INO80E: variants seen among roughly 807,000 people sequenced by gnomAD.
The protein encoded by INO80E is coiled-coil domain containing 95.
A neutral mutation model predicts 27.3 loss-of-function variants in INO80E; 20 were observed. The ratio of observed to expected loss-of-function variants is 0.73; its 90% CI spans 0.51 to 1.06. The LOEUF is 1.06. INO80E is among the 50% of genes least tolerant of loss of function. INO80E has a pLI of 0.00. For synonymous variants in INO80E, 167 were observed against 145.9 expected, an observed-to-expected ratio of 1.14 and a Z score of -1.04; for missense variants, 357 against 322.8, an observed-to-expected ratio of 1.11 and a Z score of -0.81.
At chr16:29,999,874 C>A (rs1288054076) in intron 3 of INO80E, among the ~76,000 whole-genome samples, 1 of 152,106 alleles carries the variant, frequency 6.6e-6, no homozygotes, top group Non-Finnish European at 1.5e-5. Context: ...TGAGGTGAGA[C>A]TGCTTAGCAG....
Position 29,996,301 on chromosome 16 carries a change from C to G in INO80E, c.-10C>G, listed in dbSNP as rs146400698. 1.3e-6 allele frequency: 2 copies of G among 1,585,600 alleles called. No homozygotes were observed. The highest frequency in any genetic ancestry group is 1.3e-5 in the African/African-American group (1 of 74,342). On this transcript the variant is annotated 5_prime_UTR_variant, in exon 1 of 7. Coordinates refer to ENST00000563197, the MANE Select transcript of INO80E (RefSeq NM_173618.3). ...GAGGGCAGACTCTGGGCGCCACTCC[C>G]GGGCCGGTCATGAACGGGCCGGCGG...
Position 30,000,985 on chromosome 16 carries a change from C to T in INO80E, c.341C>T (p.Pro114Leu), listed in dbSNP as rs1269126403. 6.4e-7 allele frequency: 1 copy of T among 1,563,022 alleles called. No homozygotes were observed. ...TCTCCCTCCAGCCTCTCCCTGCCTC[C>T]TTCAACAGGGTTTCCCCTTCAGGCC... ...APSPSSLSLP[P>L]STGFPLQASG... Residue 114 changes from proline to leucine, a missense_variant, in exon 5 of 7, where the codon CCT becomes CTT. Transcript: ENST00000563197.
chr16:30,000,727 C>G, intron 3 of INO80E, 31 bp from the exon 4 acceptor site: 1 of 1,584,788 alleles, frequency 6.3e-7, no homozygotes, highest in Non-Finnish European at 8.7e-7. Context: ...GGGATCCCCC[C>G]ATCCCCACTG....
intron 4 of INO80E, 22 bp downstream of exon 4, chr16:30,000,858 C>T: frequency 6.2e-7 from 1 of 1,613,110 alleles, no homozygotes; most frequent in Non-Finnish European, 8.5e-7. Flanking sequence ...ATGCATTCCT[C>T]TCGCTGGGGA....
chr16:30,005,315 T>A lies in INO80E; in HGVS notation c.608T>A (p.Leu203His). Residue 203 changes from leucine to histidine, a missense_variant, in exon 7 of 7, where the codon CTC (leucine) becomes CAC (histidine). Transcript: ENST00000563197. ...GGGGTCGGGACAACCCTGACCCCCCTCCCACCCCCTAAGATGCCCCCCCCC... is the reference window on the plus strand; with the variant it reads ...GGGGTCGGGACAACCCTGACCCCCCACCCACCCCCTAAGATGCCCCCCCCC... ...GAGVGTTLTP[L>H]PPPKMPPPTI... 7 of 302,342 alleles carry A rather than the reference T, an allele frequency of 2.3e-5. No individual in the cohort carries two copies. The highest frequency in any genetic ancestry group is 1.3e-4 in the South Asian group (2 of 15,406). The allele number at this position is 302,342 out of a possible 1,614,324, so 18.7% of individuals were successfully genotyped here.
At position 29,996,300 on chromosome 16, in the gene INO80E, CCGGGCCGGTCATGAA is replaced by C; in HGVS notation, c.-2_13del. ...GGAGGGCAGACTCTGGGCGCCACTC[CCGGGCCGGTCATGAA>C]CGGGCCGGCGGACGGCGAAGTGGAC... is the stretch of plus-strand genomic sequence containing the variant. On this transcript the variant is annotated start_lost and 5_prime_UTR_variant, in exon 1 of 7. Coordinates refer to ENST00000563197, the MANE Select transcript of INO80E (RefSeq NM_173618.3). The C allele has an allele frequency of 6.3e-7, 1 of 1,584,902 alleles. No individual in the cohort carries two copies. Among genetic ancestry groups the C allele is most frequent in the Non-Finnish European group, 8.6e-7 (1 of 1,165,658 alleles).
chr16:29,996,899 C>A, intron 3 of INO80E, 39 bp downstream of exon 3: 1 of 1,601,028 alleles, frequency 6.2e-7, no homozygotes, highest in South Asian at 1.1e-5. Flanking sequence ...GAGCATGGTT[C>A]CTGGTACTTA....
rs989058110 is a variant in INO80E at position 30,005,165 on chromosome 16, C to A, written c.514-56C>A. 21 of 1,427,132 alleles carry A rather than the reference C, an allele frequency of 1.5e-5. No individual in the cohort carries two copies. The African/African-American group carries it at 3.1e-4, about 21-fold the overall frequency. The allele number at this position is 1,427,132 out of a possible 1,614,324, so 88.4% of individuals were successfully genotyped here. On this transcript the variant is annotated intron_variant, in intron 6 of 6. Coordinates refer to ENST00000563197, the MANE Select transcript of INO80E (RefSeq NM_173618.3). ...GCCCTGGGGGGCAAAGCCTAGTCTC[C>A]TGAGGCCCCAGTGCCTCCCTGACTA...
At position 29,996,811 on chromosome 16, in the gene INO80E, C is replaced by T. The variant is rs1567264865; in HGVS notation, c.156C>T (p.Phe52=). The T allele has an allele frequency of 1.9e-6, 3 of 1,614,160 alleles. No homozygotes were observed. Among genetic ancestry groups the T allele is most frequent in the Non-Finnish European group, 2.5e-6 (3 of 1,179,992 alleles). The change falls in exon 3 of 7, where the codon TTC becomes TTT. Residue 52 remains phenylalanine, a synonymous_variant. Transcript: ENST00000563197. Reference sequence around the variant, plus strand: ...GTGTCTCCTTCCCTCCCCTCAGTTTCCTCCTAGACCGACTTCTGCAGTACG... The same window carrying T: ...GTGTCTCCTTCCCTCCCCTCAGTTTTCTCCTAGACCGACTTCTGCAGTACG... The part of the protein sequence containing the change: ...KLLKVSRDKS[F]LLDRLLQYEN...
chr16:29,996,653 T>A (rs1379774547), intron 2 of INO80E, 36 bp downstream of exon 2: 2 of 1,581,558 alleles, frequency 1.3e-6, no homozygotes, highest in Non-Finnish European at 1.7e-6. Flanking sequence ...GCGATGTGCT[T>A]CCTAGGAAAT....
At position 30,000,810 on chromosome 16, in the gene INO80E, G is replaced by T; in HGVS notation, c.258G>T (p.Lys86Asn). 4 of 1,614,210 alleles carry T rather than the reference G, an allele frequency of 2.5e-6. No homozygotes were observed. The highest frequency in any genetic ancestry group is 3.4e-6 in the Non-Finnish European group (4 of 1,180,024). The change falls in exon 4 of 7, where the codon AAG becomes AAT. Residue 86 changes from lysine to asparagine, a missense_variant. Lys to Asn is a moderately conservative substitution (Grantham distance 94). Transcript: ENST00000563197. ...ACAGCGAGACGGAGGGGACACCCAA[G>T]TTGTCTGACACACCGGCCCCTAAGA... ...SDNSETEGTP[K>N]LSDTPAPKRK...
rs757844980 is a variant in INO80E at position 30,001,396 on chromosome 16, C to G, written c.397-18C>G. 2.5e-6 allele frequency: 4 copies of G among 1,571,314 alleles called. No homozygotes were observed. Among genetic ancestry groups the G allele is most frequent in the Middle Eastern group, 1.7e-4 (1 of 5,996 alleles). The stretch of plus-strand genomic sequence containing the variant: ...GGTCCATTCCGCCTCCCATCTCCAT[C>G]CCCGCTCCCGCCCGCAGCTGGCCTC... On this transcript the variant is annotated intron_variant, in intron 5 of 6. Transcript: ENST00000563197.
Position 30,005,689 on chromosome 16 carries a change from G to A in INO80E, c.*247G>A. ...GAGTGGCCGGGAGCATCTGCCACCT[G>A]CTGGGGAGGCAGAGACCCTGCAATG... On this transcript the variant is annotated 3_prime_UTR_variant, in exon 7 of 7. Transcript: ENST00000563197. The A allele has an allele frequency of 1.8e-6, 1 of 550,900 alleles. No individual in the cohort carries two copies. Among genetic ancestry groups the A allele is most frequent in the Non-Finnish European group, 3.2e-6 (1 of 315,834 alleles). The allele number at this position is 550,900 out of a possible 1,614,324, so 34.1% of individuals were successfully genotyped here. A position where few individuals can be genotyped will look rare whatever the true frequency, so the allele number is the denominator to read the frequency against.
In INO80E at chr16:29,996,801, C is replaced by A; in HGVS notation, c.153-7C>A. 6.2e-7 allele frequency: 1 copy of A among 1,613,950 alleles called. No homozygotes were observed. Among genetic ancestry groups the A allele is most frequent in the Non-Finnish European group, 8.5e-7 (1 of 1,179,880 alleles). ...ATCACTGTCCGTGTCTCCTTCCCTC[C>A]CCTCAGTTTCCTCCTAGACCGACTT... is the stretch of plus-strand genomic sequence containing the variant. On this transcript the variant is annotated splice_polypyrimidine_tract_variant and splice_region_variant and intron_variant, in intron 2 of 6. Transcript: ENST00000563197.
intron 3 of INO80E, among the ~76,000 whole-genome samples, chr16:29,997,720 A>G (rs574787884): frequency 5.4e-4 from 82 of 150,726 alleles, no homozygotes; most frequent in African/African-American, 1.6e-3. Context: ...CTGCCACTGC[A>G]TTCCAGCCTG....
At chr16:30,000,308 G>A (rs2070299315) in intron 3 of INO80E, among the ~76,000 whole-genome samples, 1 of 152,122 alleles carries the variant, frequency 6.6e-6, no homozygotes. Context: ...TCGAGTGTGT[G>A]GTGCATGCGT....
chr16:30,002,613 G>C (rs1408265345), intron 6 of INO80E: 3 of 152,308 alleles, frequency 2.0e-5, no homozygotes, highest in Non-Finnish European at 4.4e-5. Context: ...GAGAGGCCAG[G>C]ATGCCTCCAG....
chr16:30,000,300 G>C (rs1050756940), intron 3 of INO80E, among the ~76,000 whole-genome samples: 25 of 152,246 alleles, frequency 1.6e-4, no homozygotes, highest in African/African-American at 5.5e-4. Flanking sequence ...GGGACAGCTC[G>C]AGTGTGTGGT....
Position 30,001,529 on chromosome 16 carries a change from A to G in INO80E, c.512A>G (p.Lys171Arg). The change falls in exon 6 of 7, where the codon AAG becomes AGG. Residue 171 changes from lysine to arginine, a missense_variant and splice_region_variant. Coordinates refer to ENST00000563197, the MANE Select transcript of INO80E (RefSeq NM_173618.3). ...CGGCCCCGCCTGCCCCGGAAACTCA[A>G]GGTACCCTGACGTGGGGGTGCTAGG... ...EKRPRLPRKL[K>R]MAVGPPDCPV... is the part of the protein sequence containing the mutation. The G allele has an allele frequency of 1.2e-6, 2 of 1,612,052 alleles. No homozygotes were observed. Among genetic ancestry groups the G allele is most frequent in the South Asian group, 1.1e-5 (1 of 90,708 alleles).
Sources: gnomAD v4.1 joint callset for allele counts (sites outside exome capture counted in the v4.1 genomes callset) on GRCh38, gnomAD v4.1.1 for gene constraint, MANE v1.5 for transcripts, NCBI Gene and HGNC (gene_info 2026-07-23, HGNC 2026-07-21) for gene names.